The following DIAPH3 variants were observed in gnomAD, a reference collection of about 807,000 sequenced individuals.
DIAPH3 encodes the protein protein diaphanous homolog 3.
In DIAPH3, 117 loss-of-function variants were observed where a neutral mutation model predicts 144.3. The ratio of observed to expected loss-of-function variants is 0.81; its 90% CI spans 0.70 to 0.95. DIAPH3 has a LOEUF of 0.95. Ranked by LOEUF, DIAPH3 falls within the 40% of genes least tolerant of loss-of-function variation. The probability of loss-of-function intolerance (pLI) is 0.00; values close to 1 mark genes in which losing one functional copy is unlikely to be tolerated. For synonymous variants in DIAPH3, 519 were observed against 488.9 expected (o/e 1.06, Z -0.81); for missense variants, 1,421 against 1,412.7 (o/e 1.01, Z -0.09).
chr13:60,022,870 T>A (rs571545402), intron 5 of DIAPH3, among the ~76,000 whole-genome samples: 1 of 152,364 alleles, frequency 6.6e-6, no homozygotes, highest in African/African-American at 2.4e-5. Flanking sequence ...AAATGCTATT[T>A]CTGCATTGAT....
At chr13:59,919,135 T>C (rs2047388778) in intron 18 of DIAPH3, among the ~76,000 whole-genome samples, 1 of 151,416 alleles carries the variant, frequency 6.6e-6, no homozygotes, top group Non-Finnish European at 1.5e-5. Context: ...TGTAAGAGAA[T>C]AAGAAAAATG....
intron 27 of DIAPH3, among the ~76,000 whole-genome samples, chr13:59,771,605 G>A (rs1209012143): frequency 6.6e-6 from 1 of 152,054 alleles, no homozygotes; most frequent in African/African-American, 2.4e-5. Flanking sequence ...CCAGCTCATG[G>A]ATGGGAAAGG....
chr13:59,706,201 A>G (rs907477030), intron 27 of DIAPH3, among the ~76,000 whole-genome samples: 4 of 152,208 alleles, frequency 2.6e-5, no homozygotes, highest in Non-Finnish European at 5.9e-5. Context: ...TTTAAGGAAT[A>G]ATAACAAGAA....
chr13:59,929,866 C>T (rs1044936495), intron 17 of DIAPH3, among the ~76,000 whole-genome samples: 3 of 151,984 alleles, frequency 2.0e-5, no homozygotes, highest in Non-Finnish European at 2.9e-5. Context: ...CCACCATGCC[C>T]GGCCCTCATT....
chr13:59,802,676 T>A (rs1393037711), intron 25 of DIAPH3, among the ~76,000 whole-genome samples: 11 of 64,090 alleles, frequency 1.7e-4, no homozygotes, highest in Middle Eastern at 6.3e-3. Context: ...TATTTTTTTT[T>A]TTTTTTTTTT....
chr13:59,705,747 A>C (rs1001252348), intron 27 of DIAPH3, among the ~76,000 whole-genome samples: 1 of 152,342 alleles, frequency 6.6e-6, no homozygotes, highest in Non-Finnish European at 1.5e-5. Flanking sequence ...GAATATAGGG[A>C]TCAACAACTA....
intron 9 of DIAPH3, among the ~76,000 whole-genome samples, chr13:60,005,024 T>C (rs578180089): frequency 6.6e-6 from 1 of 152,266 alleles, no homozygotes; most frequent in East Asian, 1.9e-4. Flanking sequence ...ACACTAAATA[T>C]GGCAAATAAG....
chr13:59,668,237 T>C (rs940716436), intron 27 of DIAPH3, among the ~76,000 whole-genome samples: 27 of 152,240 alleles, frequency 1.8e-4, no homozygotes, highest in Admixed American at 9.2e-4. Context: ...TTCCTGCAGT[T>C]CCTATGACCA....
At chr13:59,820,098 T>C (rs1315843836) in intron 24 of DIAPH3, among the ~76,000 whole-genome samples, 1 of 151,942 alleles carries the variant, frequency 6.6e-6, no homozygotes, top group African/African-American at 2.4e-5. Context: ...ATGAAGTGCC[T>C]CAAACACATT....
At chr13:59,981,666 C>G (rs1331891349) in intron 13 of DIAPH3, among the ~76,000 whole-genome samples, 2 of 151,060 alleles carry the variant, frequency 1.3e-5, no homozygotes, top group African/African-American at 2.4e-5. Context: ...GAAAGCGATA[C>G]ATGAACAAAG....
At chr13:60,123,009 T>C (rs1378830182) in intron 2 of DIAPH3, among the ~76,000 whole-genome samples, 3 of 152,144 alleles carry the variant, frequency 2.0e-5, no homozygotes, top group African/African-American at 7.2e-5. Context: ...AGACCTATAT[T>C]ACCCATAAAC....
At chr13:60,055,810 C>G (rs2056535154) in intron 4 of DIAPH3, among the ~76,000 whole-genome samples, 1 of 151,744 alleles carries the variant, frequency 6.6e-6, no homozygotes, top group African/African-American at 2.4e-5. Flanking sequence ...AATCGCATAC[C>G]TTCGGGGTGG....
chr13:60,097,450 A>T (rs1042364938), intron 3 of DIAPH3, among the ~76,000 whole-genome samples: 1 of 152,170 alleles, frequency 6.6e-6, no homozygotes, highest in Non-Finnish European at 1.5e-5. Flanking sequence ...ATCTCTGCAC[A>T]CACCAGCTTT....
Position 59,801,990 on chromosome 13 carries a change from G to A in DIAPH3, c.3163+8798C>T, listed in dbSNP as rs960899707. On this transcript the variant is annotated intron_variant, in intron 25 of 27. Coordinates refer to ENST00000400324, the MANE Select transcript of DIAPH3 (RefSeq NM_001042517.2). ...CCCCCTCTTTGAGATAATCACTTTA[G>A]ACTTTGAGCAACCTTCACGACCAAG... 2.0e-5 allele frequency among the ~76,000 whole-genome samples: 3 copies of A among 151,676 alleles called. No homozygotes were observed. In the East Asian group the frequency reaches 5.8e-4, roughly 29 times the overall value.
chr13:60,060,284 G>A (rs1228289714), intron 4 of DIAPH3, among the ~76,000 whole-genome samples: 1 of 152,052 alleles, frequency 6.6e-6, no homozygotes, highest in African/African-American at 2.4e-5. Context: ...CAAAATCTTT[G>A]GATCATTGGA....
At chr13:59,825,618 T>C (rs2041361938) in intron 24 of DIAPH3, among the ~76,000 whole-genome samples, 1 of 152,180 alleles carries the variant, frequency 6.6e-6, no homozygotes, top group South Asian at 2.1e-4. Flanking sequence ...CACACTGACT[T>C]CCACAATGGT....
At chr13:59,972,236 T>A (rs1292573933) in intron 15 of DIAPH3, among the ~76,000 whole-genome samples, 1 of 152,094 alleles carries the variant, frequency 6.6e-6, no homozygotes, top group Non-Finnish European at 1.5e-5. Context: ...CTTTGCAGAA[T>A]CAAATGCCAC....
intron 17 of DIAPH3, among the ~76,000 whole-genome samples, chr13:59,937,032 G>A (rs997963633): frequency 1.8e-4 from 28 of 151,920 alleles, no homozygotes; most frequent in African/African-American, 6.0e-4. Flanking sequence ...GCGTGGTGGC[G>A]GGTTCCTGTT....
intron 22 of DIAPH3, among the ~76,000 whole-genome samples, chr13:59,841,469 C>G (rs1349234655): frequency 6.6e-6 from 1 of 152,050 alleles, no homozygotes; most frequent in Non-Finnish European, 1.5e-5. Flanking sequence ...TGGCATGTGC[C>G]TGTAGTCCCA....
Sources: allele counts gnomAD v4.1 joint callset (sites outside exome capture counted in the v4.1 genomes callset), GRCh38; gene constraint gnomAD v4.1.1; transcripts MANE v1.5; gene names NCBI Gene and HGNC (gene_info 2026-07-23, HGNC 2026-07-21).